The following UTP15 variants were observed in gnomAD, a reference collection of about 807,000 sequenced individuals.
UTP15 encodes U3 small nucleolar RNA-associated protein 15 homolog.
Under a neutral mutation model 59.1 loss-of-function variants are expected in UTP15, and 5 were observed. The ratio of observed to expected loss-of-function variants is 0.08; its 90% CI spans 0.04 to 0.18. The LOEUF is 0.18. Ranked by LOEUF, UTP15 falls within the 10% of genes least tolerant of loss-of-function variation. UTP15 has a pLI of 1.00. For synonymous variants in UTP15, 211 were observed against 212.2 expected, an observed-to-expected ratio of 0.99 and a Z score of 0.05; for missense variants, 494 against 616.7, an observed-to-expected ratio of 0.80 and a Z score of 2.11.
intron 12 of UTP15, among the ~76,000 whole-genome samples, chr5:73,579,611 C>T (rs1322924523): frequency 2.0e-5 from 3 of 151,942 alleles, no homozygotes; most frequent in African/African-American, 7.2e-5. Context: ...TCATAGACAT[C>T]TATAATGACG....
intron 11 of UTP15, 67 bp downstream of exon 11, chr5:73,579,217 A>G (rs1048226219): frequency 3.3e-5 from 53 of 1,605,398 alleles, no homozygotes; most frequent in Non-Finnish European, 3.9e-5. Context: ...AATAAAAGAC[A>G]TTTAGTTTGA....
intron 8 of UTP15, 50 bp downstream of exon 8, chr5:73,577,086 A>G: frequency 7.3e-7 from 1 of 1,371,188 alleles, no homozygotes; most frequent in Non-Finnish European, 1.0e-6. Context: ...TGCCTGTTAA[A>G]TGAAACTAAA....
Position 73,582,765 on chromosome 5 carries a change from A to T in UTP15, c.*2671A>T, listed in dbSNP as rs1580399532. ...TATTTAAACATAATTGGCATATTAC[A>T]ATATGTGACACTGGCCTTAAGATTC... On this transcript the variant is annotated 3_prime_UTR_variant, in exon 13 of 13. Coordinates refer to ENST00000296792, the MANE Select transcript of UTP15 (RefSeq NM_032175.4). 6.6e-6 allele frequency: 1 copy of T among 152,348 alleles called. No individual in the cohort carries two copies. The highest frequency in any genetic ancestry group is 1.9e-4 in the East Asian group (1 of 5,186). 9.4% of individuals were successfully genotyped at this position (152,348 alleles called of 1,614,324 possible). A position where few individuals can be genotyped will look rare whatever the true frequency, so the allele number is the denominator to read the frequency against.
chr5:73,582,820 CTT>C lies in UTP15; in HGVS notation c.*2727_*2728del, dbSNP rs919574506. ...TTAAAATGCTTAACAGACTTTTAGA[CTT>C]ATGAGTTTCAGTTGAAAGGTATTTT... On this transcript the variant is annotated 3_prime_UTR_variant, in exon 13 of 13. Transcript: ENST00000296792. 2 of 152,130 alleles carry C rather than the reference CTT, an allele frequency of 1.3e-5. No homozygotes were observed. The highest frequency in any genetic ancestry group is 4.8e-5 in the African/African-American group (2 of 41,416). The allele number at this position is 152,130 out of a possible 1,614,324, so 9.4% of individuals were successfully genotyped here.
In UTP15 at chr5:73,580,088, A is replaced by C. The variant is rs749346008; in HGVS notation, c.1551A>C (p.Glu517Asp). 7 of 1,612,606 alleles carry C rather than the reference A, an allele frequency of 4.3e-6. 1 individual carries two copies. Among genetic ancestry groups the C allele is most frequent in the Non-Finnish European group, 5.9e-6 (7 of 1,179,176 alleles). ...SDGFPENKKI[E>D]S ...GATTTCCAGAGAATAAGAAGATAGA[A>C]TCATAGTGTCTGCTAAATAAGACAT... Residue 517 changes from glutamate (E) to aspartate (D), a missense_variant, in exon 13 of 13, where the codon GAA becomes GAC. Physicochemically the swap from Glu to Asp is conservative, Grantham distance 45. Transcript: ENST00000296792.
In UTP15 at chr5:73,580,268, G is replaced by T; in HGVS notation, c.*174G>T. Reference sequence around the variant, plus strand: ...CAAGTACCCGTTTTAAGTAAGACATGGTTTTCCATGTAATATTTTGAATTA... The same window carrying T: ...CAAGTACCCGTTTTAAGTAAGACATTGTTTTCCATGTAATATTTTGAATTA... On this transcript the variant is annotated 3_prime_UTR_variant, in exon 13 of 13. Transcript: ENST00000296792. 1 of 518,424 alleles carries T rather than the reference G, an allele frequency of 1.9e-6. No homozygotes were observed. Among genetic ancestry groups the T allele is most frequent in the African/African-American group, 1.9e-5 (1 of 51,422 alleles). 32.1% of individuals were successfully genotyped at this position (518,424 alleles called of 1,614,324 possible).
chr5:73,575,612 G>A (rs914403071), intron 7 of UTP15, among the ~76,000 whole-genome samples: 15 of 151,110 alleles, frequency 9.9e-5, no homozygotes, highest in Admixed American at 9.9e-4. Flanking sequence ...GCCCAGGCTG[G>A]TCTTGAACTC....
At chr5:73,573,467 C>T (rs114276158) in intron 7 of UTP15, among the ~76,000 whole-genome samples, 4,362 of 151,984 alleles carry the variant, frequency 0.029, 222 homozygotes, top group African/African-American at 0.1. Flanking sequence ...AGACTGGTCT[C>T]GAACTTCTGG....
At chr5:73,574,653 CAT>C (rs1748036708) in intron 7 of UTP15, among the ~76,000 whole-genome samples, 1 of 151,980 alleles carries the variant, frequency 6.6e-6, no homozygotes, top group South Asian at 2.1e-4. Flanking sequence ...GTACCTGACT[CAT>C]TTTTGTATTT....
intron 9 of UTP15, chr5:73,578,509 A>T (rs1156713849): frequency 4.6e-6 from 2 of 433,534 alleles, no homozygotes; most frequent in African/African-American, 4.0e-5. Flanking sequence ...GCAATGGTGC[A>T]TGTTGTAAGT....
chr5:73,578,294 T>C (rs1580395548), intron 9 of UTP15: 1 of 333,818 alleles, frequency 3.0e-6, no homozygotes, highest in Non-Finnish European at 5.5e-6. Flanking sequence ...CAAGAAGTAG[T>C]AGAACCAATC....
intron 4 of UTP15, 145 bp downstream of exon 4, chr5:73,568,749 G>A: frequency 1.4e-6 from 1 of 714,312 alleles, no homozygotes; most frequent in Non-Finnish European, 2.1e-6. Flanking sequence ...TTCTAAGAGT[G>A]CTTAACTTGG....
At chr5:73,569,989 C>T (rs566074601) in intron 5 of UTP15, among the ~76,000 whole-genome samples, 22 of 152,096 alleles carry the variant, frequency 1.4e-4, no homozygotes, top group African/African-American at 3.4e-4. Flanking sequence ...CCCACCACCA[C>T]GTCCAGCTAC....
rs1027878895 is a variant in UTP15 at position 73,580,161 on chromosome 5, G to A, written c.*67G>A. 3.4e-5 allele frequency: 48 copies of A among 1,404,722 alleles called. No homozygotes were observed. In the Middle Eastern group the frequency reaches 3.8e-3, roughly 111 times the overall value. The allele number at this position is 1,404,722 out of a possible 1,614,324, so 87.0% of individuals were successfully genotyped here. ...AGATTTGACTGTATTAAATGTTGGC[G>A]AGAGACTCTCTTTGATACATTAAAA... On this transcript the variant is annotated 3_prime_UTR_variant, in exon 13 of 13. Transcript: ENST00000296792.
intron 7 of UTP15, among the ~76,000 whole-genome samples, chr5:73,574,142 G>A (rs1353591639): frequency 6.6e-6 from 1 of 151,704 alleles, no homozygotes; most frequent in African/African-American, 2.4e-5. Context: ...AGGGAATATA[G>A]TGAGACCCCA....
intron 1 of UTP15, 47 bp downstream of exon 1, chr5:73,565,959 G>T (rs1434243095): frequency 2.2e-6 from 1 of 449,988 alleles, no homozygotes; most frequent in South Asian, 1.6e-5. Context: ...CTCACACCCG[G>T]CCTTCCTGTG....
At chr5:73,569,353 C>G in intron 4 of UTP15, 144 bp from the exon 5 acceptor site, 1 of 554,026 alleles carries the variant, frequency 1.8e-6, no homozygotes, top group Non-Finnish European at 2.9e-6. Flanking sequence ...TAAGTTTTCT[C>G]TTTCTTTCAT....
chr5:73,581,565 G>T lies in UTP15; in HGVS notation c.*1471G>T, dbSNP rs1239123134. The T allele has an allele frequency of 6.6e-6, 1 of 151,828 alleles. No homozygotes were observed. Among genetic ancestry groups the T allele is most frequent in the African/African-American group, 2.4e-5 (1 of 41,348 alleles). The allele number at this position is 151,828 out of a possible 1,614,324, so 9.4% of individuals were successfully genotyped here. ...AGAAGAACCCATAGAGGAAGATTTTGTAATGCGAATCTCCTCTCATAATTT... is the reference window on the plus strand; with the variant it reads ...AGAAGAACCCATAGAGGAAGATTTTTTAATGCGAATCTCCTCTCATAATTT... On this transcript the variant is annotated 3_prime_UTR_variant, in exon 13 of 13. Coordinates refer to ENST00000296792, the MANE Select transcript of UTP15 (RefSeq NM_032175.4).
chr5:73,575,792 G>A (rs529175826), intron 7 of UTP15, among the ~76,000 whole-genome samples: 55 of 151,302 alleles, frequency 3.6e-4, no homozygotes, highest in African/African-American at 1.3e-3. Context: ...GCGCGGTCTC[G>A]GCTCACCGCA....
Sources: gnomAD v4.1 joint callset for allele counts (sites outside exome capture counted in the v4.1 genomes callset) on GRCh38, gnomAD v4.1.1 for gene constraint, MANE v1.5 for transcripts, NCBI Gene and HGNC (gene_info 2026-07-23, HGNC 2026-07-21) for gene names.